Variants in RPS6KA2 observed in about 807,000 individuals in gnomAD.
RPS6KA2 encodes the protein ribosomal protein S6 kinase A2, also known as ribosomal protein S6 kinase alpha-2.
RPS6KA2 carries 42 observed loss-of-function variants against 91.8 expected under a neutral mutation model. That is an observed-to-expected ratio of 0.46 (90% CI 0.36 to 0.59). The LOEUF (loss-of-function observed/expected upper bound fraction) is 0.59. RPS6KA2 is among the 20% of genes least tolerant of loss of function. RPS6KA2 has a pLI of 0.00. For missense variants in RPS6KA2, 798 were observed against 978.5 expected, an observed-to-expected ratio of 0.82 and a Z score of 2.46; for synonymous variants, 414 against 393.6, an observed-to-expected ratio of 1.05 and a Z score of -0.61.
chr6:166,688,858 C>T (rs1789104275), intron 2 of RPS6KA2, among the ~76,000 whole-genome samples: 2 of 152,302 alleles, frequency 1.3e-5, no homozygotes, highest in South Asian at 2.1e-4. Context: ...AAAATGAGAT[C>T]GTAATTGTGC....
rs191182214 is a variant in RPS6KA2, at chr6:166,747,795, C to A, written c.123+110405G>T. Among the ~76,000 whole-genome samples, 159 of 152,350 alleles carry A rather than the reference C, an allele frequency of 1.0e-3. 1 individual carries two copies. Among genetic ancestry groups the A allele is most frequent in the African/African-American group, 3.2e-3 (132 of 41,582 alleles). On this transcript the variant is annotated intron_variant, in intron 2 of 21. Transcript: ENST00000503859. Reference sequence around the variant, plus strand: ...CCTGACTGTACTCCCATGGGTACGCCTAGCTGGGGTGCTTCCTTTCCAATG... The same window carrying A: ...CCTGACTGTACTCCCATGGGTACGCATAGCTGGGGTGCTTCCTTTCCAATG...
intron 2 of RPS6KA2, among the ~76,000 whole-genome samples, chr6:166,654,100 A>G (rs1271869165): frequency 1.3e-5 from 2 of 152,226 alleles, no homozygotes; most frequent in Non-Finnish European, 2.9e-5. Flanking sequence ...CTTCCATCAT[A>G]TTGGTCAAGC....
chr6:166,484,902 A>T (rs541141510), intron 10 of RPS6KA2, among the ~76,000 whole-genome samples: 2 of 152,236 alleles, frequency 1.3e-5, no homozygotes, highest in African/African-American at 2.4e-5. Context: ...TTCTTGTTTG[A>T]CCTGCTTTGA....
intron 2 of RPS6KA2, among the ~76,000 whole-genome samples, chr6:166,780,965 T>C (rs967097299): frequency 6.6e-6 from 1 of 152,202 alleles, no homozygotes; most frequent in African/African-American, 2.4e-5. Context: ...TACTCCGATA[T>C]TCGGACACTT....
chr6:166,443,991 T>G (rs377140766), intron 14 of RPS6KA2, among the ~76,000 whole-genome samples: 2 of 152,194 alleles, frequency 1.3e-5, no homozygotes, highest in South Asian at 2.1e-4. Context: ...CCCCGTGTTG[T>G]TCAAGGGCCA....
At chr6:166,525,286 T>C (rs1385711644) in intron 3 of RPS6KA2, among the ~76,000 whole-genome samples, 2 of 152,216 alleles carry the variant, frequency 1.3e-5, no homozygotes, top group African/African-American at 4.8e-5. Flanking sequence ...TAACTCCATG[T>C]TGAGTCATGA....
intron 3 of RPS6KA2, among the ~76,000 whole-genome samples, chr6:166,522,439 G>A (rs1782890576): frequency 6.6e-6 from 1 of 152,236 alleles, no homozygotes; most frequent in South Asian, 2.1e-4. Context: ...AGCATACGCA[G>A]ACGGCCTTGG....
intron 10 of RPS6KA2, among the ~76,000 whole-genome samples, chr6:166,481,891 G>A (rs1482784655): frequency 2.1e-5 from 3 of 143,360 alleles, no homozygotes; most frequent in African/African-American, 5.2e-5. Context: ...CTGATAAGAT[G>A]GTAGACTGTA....
intron 2 of RPS6KA2, among the ~76,000 whole-genome samples, chr6:166,832,994 C>T (rs1780225042): frequency 6.6e-6 from 1 of 152,144 alleles, no homozygotes; most frequent in South Asian, 2.1e-4. Flanking sequence ...GTTTAATTTG[C>T]TTAATTAAGA....
chr6:166,509,039 G>C (rs992522352), intron 4 of RPS6KA2, among the ~76,000 whole-genome samples: 3 of 152,228 alleles, frequency 2.0e-5, no homozygotes, highest in Non-Finnish European at 4.4e-5. Context: ...TACAAAGGAA[G>C]TGTGGCTGGA....
At chr6:166,502,899 A>G (rs1410334904) in intron 6 of RPS6KA2, among the ~76,000 whole-genome samples, 1 of 152,172 alleles carries the variant, frequency 6.6e-6, no homozygotes, top group Non-Finnish European at 1.5e-5. Flanking sequence ...TTCTACGTTG[A>G]GCATCCCTTA....
chr6:166,550,457 G>T (rs1310613900), intron 1 of RPS6KA2, among the ~76,000 whole-genome samples: 1 of 151,858 alleles, frequency 6.6e-6, no homozygotes, highest in Non-Finnish European at 1.5e-5. Context: ...AAAAAAGAAG[G>T]ACTCAATATT....
intron 1 of RPS6KA2, among the ~76,000 whole-genome samples, chr6:166,589,292 T>C (rs528661559): frequency 1.3e-5 from 2 of 152,238 alleles, no homozygotes; most frequent in Admixed American, 1.3e-4. Context: ...GGGCCCCTCC[T>C]GGGGTTCCTT....
intron 7 of RPS6KA2, among the ~76,000 whole-genome samples, chr6:166,499,964 T>C (rs922167027): frequency 2.6e-5 from 4 of 152,220 alleles, no homozygotes; most frequent in Non-Finnish European, 5.9e-5. Context: ...AGATAGGGGA[T>C]GACCCTGGAT....
chr6:166,483,348 G>A (rs767881213), intron 10 of RPS6KA2, among the ~76,000 whole-genome samples: 10 of 152,150 alleles, frequency 6.6e-5, no homozygotes, highest in Non-Finnish European at 1.3e-4. Flanking sequence ...ACTGTGGGCC[G>A]CAGACCAGAA....
At chr6:166,641,057 A>T (rs902651364) in intron 2 of RPS6KA2, among the ~76,000 whole-genome samples, 4 of 152,214 alleles carry the variant, frequency 2.6e-5, no homozygotes, top group Non-Finnish European at 5.9e-5. Flanking sequence ...GAGGTTCCAG[A>T]TTGGTAGCAC....
chr6:166,836,598 CGCTT>C (rs1221893447), intron 2 of RPS6KA2, among the ~76,000 whole-genome samples: 17 of 152,162 alleles, frequency 1.1e-4, no homozygotes, highest in African/African-American at 4.1e-4. Context: ...TTATCTTCAT[CGCTT>C]TCCCCTCTGT....
intron 3 of RPS6KA2, among the ~76,000 whole-genome samples, chr6:166,526,686 T>C (rs1447332595): frequency 6.6e-6 from 1 of 152,170 alleles, no homozygotes; most frequent in African/African-American, 2.4e-5. Context: ...TAATTTTAGC[T>C]ACTCAAGCAC....
chr6:166,477,404 T>C (rs1781019268), intron 10 of RPS6KA2, among the ~76,000 whole-genome samples: 1 of 152,202 alleles, frequency 6.6e-6, no homozygotes, highest in Admixed American at 6.5e-5. Context: ...CTCTCATCCA[T>C]AATTTAAACC....
Sources: gnomAD v4.1 joint callset for allele counts (sites outside exome capture counted in the v4.1 genomes callset) on GRCh38, gnomAD v4.1.1 for gene constraint, MANE v1.5 for transcripts, NCBI Gene and HGNC (gene_info 2026-07-23, HGNC 2026-07-21) for gene names.